SLC35F1: variants seen among roughly 807,000 people sequenced by gnomAD.
The protein encoded by SLC35F1 is solute carrier family 35 member F1, also known as chromosome 6 open reading frame 169.
A neutral mutation model predicts 48.7 loss-of-function variants in SLC35F1; 14 were observed. The ratio of observed to expected loss-of-function variants is 0.29; its 90% CI spans 0.19 to 0.45. The LOEUF is 0.45. Among genes scored for constraint, SLC35F1 ranks in the 20% least tolerant of loss-of-function variants. SLC35F1 has a pLI of 1.00. For missense variants in SLC35F1, 404 were observed against 500.0 expected (o/e 0.81, Z 1.83); for synonymous variants, 190 against 202.2 (o/e 0.94, Z 0.51).
intron 1 of SLC35F1, among the ~76,000 whole-genome samples, chr6:117,970,185 A>C (rs190168406): frequency 6.6e-6 from 1 of 152,170 alleles, no homozygotes; most frequent in African/African-American, 2.4e-5. Context: ...GACTCTGCCA[A>C]CTGCAGTGTT....
chr6:118,095,830 C>T (rs1773167969), intron 1 of SLC35F1, among the ~76,000 whole-genome samples: 2 of 152,144 alleles, frequency 1.3e-5, no homozygotes, highest in South Asian at 4.2e-4. Flanking sequence ...AATGTGGAAG[C>T]AGAAAAGAAA....
intron 3 of SLC35F1, among the ~76,000 whole-genome samples, chr6:118,260,311 A>G (rs1182539168): frequency 1.3e-5 from 2 of 152,162 alleles, no homozygotes; most frequent in African/African-American, 4.8e-5. Context: ...TGATGGCTGT[A>G]CAACTTCATG....
At chr6:117,937,900 T>C (rs1288199789) in intron 1 of SLC35F1, among the ~76,000 whole-genome samples, 1 of 152,134 alleles carries the variant, frequency 6.6e-6, no homozygotes, top group Non-Finnish European at 1.5e-5. Flanking sequence ...ATGATCTGAT[T>C]AGAAGAGAAG....
At chr6:118,199,444 A>G (rs555787192) in intron 2 of SLC35F1, among the ~76,000 whole-genome samples, 123 of 152,366 alleles carry the variant, frequency 8.1e-4, no homozygotes, top group Non-Finnish European at 1.3e-3. Context: ...CCATTCTGTT[A>G]TATGAACGTG....
intron 1 of SLC35F1, among the ~76,000 whole-genome samples, chr6:117,965,425 A>G (rs1179832378): frequency 2.0e-5 from 3 of 152,208 alleles, no homozygotes; most frequent in Admixed American, 2.0e-4. Context: ...AACCCTGCTT[A>G]GATTGCAGAA....
At chr6:117,968,037 G>A (rs1008527987) in intron 1 of SLC35F1, among the ~76,000 whole-genome samples, 3 of 152,142 alleles carry the variant, frequency 2.0e-5, no homozygotes, top group Admixed American at 6.5e-5. Context: ...ATTAGCATAA[G>A]TTCTGGTAAT....
intron 1 of SLC35F1, among the ~76,000 whole-genome samples, chr6:118,070,345 G>T (rs1422263180): frequency 6.6e-6 from 1 of 152,022 alleles, no homozygotes; most frequent in Admixed American, 6.5e-5. Context: ...TTTCCAAGTG[G>T]CAGTTATGTT....
chr6:117,999,149 G>T lies in SLC35F1; in HGVS notation c.173+91250G>T, dbSNP rs553968195. 3.3e-5 allele frequency: 52 copies of T among 1,593,322 alleles called. No individual in the cohort carries two copies. The South Asian group carries it at 5.5e-4, about 17-fold the overall frequency. On this transcript the variant is annotated intron_variant, in intron 1 of 7. Coordinates refer to ENST00000360388, the MANE Select transcript of SLC35F1 (RefSeq NM_001029858.4). ...CAAAAAGGGCCTAAAGAAGATGCAGGCCAACAATGCCAAGGCCATGAGTGC... is the reference window on the plus strand; with the variant it reads ...CAAAAAGGGCCTAAAGAAGATGCAGTCCAACAATGCCAAGGCCATGAGTGC...
chr6:118,238,426 A>AATAAT (rs1554239125), intron 3 of SLC35F1, among the ~76,000 whole-genome samples: 8 of 144,484 alleles, frequency 5.5e-5, no homozygotes, highest in African/African-American at 1.0e-4. Flanking sequence ...CCCATCTCTA[A>AATAAT]AATAATAATA....
intron 1 of SLC35F1, among the ~76,000 whole-genome samples, chr6:118,034,731 A>G (rs1772103125): frequency 1.3e-5 from 2 of 152,164 alleles, no homozygotes; most frequent in South Asian, 4.1e-4. Context: ...TATTATAACA[A>G]GTTCCTTGAG....
intron 1 of SLC35F1, among the ~76,000 whole-genome samples, chr6:118,119,928 C>T (rs1460258175): frequency 6.6e-6 from 1 of 152,132 alleles, no homozygotes; most frequent in African/African-American, 2.4e-5. Flanking sequence ...GGCGTGAAAA[C>T]AGCCACTTAA....
chr6:118,181,019 G>A (rs955381991), intron 2 of SLC35F1, among the ~76,000 whole-genome samples: 2 of 151,978 alleles, frequency 1.3e-5, no homozygotes, highest in Non-Finnish European at 2.9e-5. Flanking sequence ...CTAGAGAAGT[G>A]TAATAATACC....
chr6:117,923,651 G>GTACATATGTACATA (rs1775945358), intron 1 of SLC35F1, among the ~76,000 whole-genome samples: 1 of 17,504 alleles, frequency 5.7e-5, no homozygotes, highest in Non-Finnish European at 8.5e-5. Flanking sequence ...ATGTACATAT[G>GTACATATGTACATA]TACATATGTA....
rs1451513796 is a variant in SLC35F1 at position 118,316,575 on chromosome 6, CTT to C, written c.*2324_*2325del. On this transcript the variant is annotated 3_prime_UTR_variant, in exon 8 of 8. Coordinates refer to ENST00000360388, the MANE Select transcript of SLC35F1 (RefSeq NM_001029858.4). ...TTTTTATGACATTAATTTGTAGACA[CTT>C]AGTAAAGTCTTATGAGAAGCAAGTG... is the stretch of plus-strand genomic sequence containing the variant. 6.6e-6 allele frequency: 1 copy of C among 152,574 alleles called. No individual in the cohort carries two copies. Among genetic ancestry groups the C allele is most frequent in the African/African-American group, 2.4e-5 (1 of 41,424 alleles). 9.5% of individuals were successfully genotyped at this position (152,574 alleles called of 1,614,324 possible). A position where few individuals can be genotyped will look rare whatever the true frequency, so the allele number is the denominator to read the frequency against.
intron 1 of SLC35F1, among the ~76,000 whole-genome samples, chr6:118,138,454 A>G (rs879422669): frequency 1.3e-5 from 2 of 152,200 alleles, no homozygotes; most frequent in Non-Finnish European, 2.9e-5. Context: ...AACCTATGTT[A>G]TCTATCTCTC....
At chr6:117,927,099 G>A (rs1299118596) in intron 1 of SLC35F1, among the ~76,000 whole-genome samples, 1 of 152,168 alleles carries the variant, frequency 6.6e-6, no homozygotes, top group Non-Finnish European at 1.5e-5. Context: ...GTGAAATTCA[G>A]TAAGAGTACC....
Position 118,314,593 on chromosome 6 carries a change from A to T in SLC35F1, c.*341A>T. On this transcript the variant is annotated 3_prime_UTR_variant, in exon 8 of 8. Transcript: ENST00000360388. ...TACTGTTATTACACCAACTTTCAGG[A>T]GGATGTTTTGTACTCCTGATGGAAA... 3.6e-6 allele frequency: 1 copy of T among 279,062 alleles called. No individual in the cohort carries two copies. Among genetic ancestry groups the T allele is most frequent in the East Asian group, 7.2e-5 (1 of 13,880 alleles). The allele number at this position is 279,062 out of a possible 1,614,324, so 17.3% of individuals were successfully genotyped here. A position where few individuals can be genotyped will look rare whatever the true frequency, so the allele number is the denominator to read the frequency against.
intron 1 of SLC35F1, among the ~76,000 whole-genome samples, chr6:118,027,211 T>A (rs572627333): frequency 6.6e-6 from 1 of 152,290 alleles, no homozygotes; most frequent in African/African-American, 2.4e-5. Context: ...ATTTGGAATG[T>A]TCCCAGCTTT....
chr6:118,235,735 GTATAC>G, intron 3 of SLC35F1, 99 bp downstream of exon 3: 1 of 1,294,628 alleles, frequency 7.7e-7, no homozygotes, highest in Non-Finnish European at 1.1e-6. Flanking sequence ...GTTACTATCT[GTATAC>G]TATACTATAG....
Sources: gnomAD v4.1 joint callset for allele counts (sites outside exome capture counted in the v4.1 genomes callset) on GRCh38, gnomAD v4.1.1 for gene constraint, MANE v1.5 for transcripts, NCBI Gene and HGNC (gene_info 2026-07-23, HGNC 2026-07-21) for gene names.